The following ROBO2 variants were observed in gnomAD, a reference collection of about 807,000 sequenced individuals.
ROBO2 encodes the protein roundabout homolog 2.
Under a neutral mutation model 160.8 loss-of-function variants are expected in ROBO2, and 53 were observed. That is an observed-to-expected ratio of 0.33 (90% CI 0.26 to 0.41). ROBO2 has a LOEUF of 0.41. ROBO2 is among the 10% of genes least tolerant of loss of function. The pLI is 1.00. For missense variants in ROBO2, 1,577 were observed against 1,722.4 expected (o/e 0.92, Z 1.49); for synonymous variants, 664 against 611.7 (o/e 1.09, Z -1.26).
intron 2 of ROBO2, among the ~76,000 whole-genome samples, chr3:76,872,712 C>A (rs1192029491): frequency 6.6e-6 from 1 of 151,842 alleles, no homozygotes; most frequent in African/African-American, 2.4e-5. Context: ...GAATGAAGTG[C>A]ATTTTTGACA....
intron 2 of ROBO2, among the ~76,000 whole-genome samples, chr3:76,049,383 G>GTGTGTGTGTATA (rs1440395230): frequency 2.7e-5 from 1 of 36,822 alleles, no homozygotes; most frequent in Admixed American, 2.9e-4. Flanking sequence ...GCTAATTTTA[G>GTGTGTGTGTATA]TATATATATA....
intron 2 of ROBO2, among the ~76,000 whole-genome samples, chr3:76,695,491 G>A (rs1322916694): frequency 6.6e-6 from 1 of 152,000 alleles, no homozygotes; most frequent in Non-Finnish European, 1.5e-5. Flanking sequence ...TGATAAAGAA[G>A]CTTTATAATG....
At chr3:77,465,490 T>C (rs2082676308) in intron 2 of ROBO2, among the ~76,000 whole-genome samples, 1 of 152,120 alleles carries the variant, frequency 6.6e-6, no homozygotes, top group South Asian at 2.1e-4. Context: ...AATAGATATA[T>C]AGCTAGAGAC....
intron 2 of ROBO2, among the ~76,000 whole-genome samples, chr3:76,019,166 A>G (rs1457019371): frequency 6.6e-6 from 1 of 151,888 alleles, no homozygotes; most frequent in Non-Finnish European, 1.5e-5. Flanking sequence ...TGGTCTCCCC[A>G]CATGGTTAGG....
chr3:77,368,849 TTTTA>T (rs2071333077), intron 2 of ROBO2, among the ~76,000 whole-genome samples: 1 of 152,226 alleles, frequency 6.6e-6, no homozygotes, highest in Non-Finnish European at 1.5e-5. Context: ...GGTATTTATC[TTTTA>T]TTTGACAAAA....
At chr3:76,871,311 T>G (rs1050431991) in intron 2 of ROBO2, among the ~76,000 whole-genome samples, 2 of 152,000 alleles carry the variant, frequency 1.3e-5, no homozygotes, top group Non-Finnish European at 2.9e-5. Flanking sequence ...TCCCAGCACT[T>G]TGGGAGGCCG....
At chr3:76,474,012 G>C (rs1374028040) in intron 2 of ROBO2, among the ~76,000 whole-genome samples, 11 of 152,090 alleles carry the variant, frequency 7.2e-5, no homozygotes. Flanking sequence ...GCAAGTATTA[G>C]ATGTTTAATT....
chr3:76,758,241 A>C (rs955678938), intron 2 of ROBO2, among the ~76,000 whole-genome samples: 3 of 151,792 alleles, frequency 2.0e-5, no homozygotes, highest in African/African-American at 7.2e-5. Context: ...CACTTTTTAC[A>C]TTTAATACCT....
At chr3:77,282,998 A>T (rs2060345052) in intron 2 of ROBO2, among the ~76,000 whole-genome samples, 1 of 151,972 alleles carries the variant, frequency 6.6e-6, no homozygotes, top group South Asian at 2.1e-4. Flanking sequence ...AAACCTGAGA[A>T]TTTAAATGTC....
At chr3:77,632,507 A>G (rs1388859714) in intron 23 of ROBO2, 2 of 1,535,462 alleles carry the variant, frequency 1.3e-6, no homozygotes, top group Non-Finnish European at 1.7e-6. Flanking sequence ...TCTGCATCTG[A>G]TGAGGATCGT....
At chr3:76,631,034 C>T (rs1444918315) in intron 2 of ROBO2, among the ~76,000 whole-genome samples, 2 of 152,114 alleles carry the variant, frequency 1.3e-5, no homozygotes, top group African/African-American at 4.8e-5. Context: ...TTAGCTGTAT[C>T]TTTCAGCAAA....
chr3:76,927,467 C>T (rs1430770927), intron 2 of ROBO2, among the ~76,000 whole-genome samples: 1 of 152,010 alleles, frequency 6.6e-6, no homozygotes. Flanking sequence ...ATACATAAAC[C>T]CTTGACATTT....
chr3:77,383,315 A>G (rs550471781), intron 2 of ROBO2, among the ~76,000 whole-genome samples: 1 of 152,278 alleles, frequency 6.6e-6, no homozygotes, highest in African/African-American at 2.4e-5. Context: ...AATAGGCATG[A>G]TGTTCAATAA....
intron 2 of ROBO2, among the ~76,000 whole-genome samples, chr3:77,348,846 C>T (rs1447692352): frequency 2.0e-5 from 3 of 152,116 alleles, no homozygotes; most frequent in African/African-American, 7.2e-5. Context: ...TCATTATCTT[C>T]CTTGCTTTTT....
intron 2 of ROBO2, among the ~76,000 whole-genome samples, chr3:76,786,790 TA>T (rs2063006929): frequency 1.3e-5 from 2 of 151,388 alleles, no homozygotes; most frequent in African/African-American, 4.8e-5. Flanking sequence ...TTCAATTATG[TA>T]GCTCTTAAAA....
intron 2 of ROBO2, among the ~76,000 whole-genome samples, chr3:76,630,218 A>C (rs2089943600): frequency 6.6e-6 from 1 of 152,102 alleles, no homozygotes; most frequent in Admixed American, 6.5e-5. Flanking sequence ...AAAGATGTGC[A>C]TGTTAGGTAT....
chr3:76,798,284 G>GAAAGAAAGAA (rs2063907842), intron 2 of ROBO2, among the ~76,000 whole-genome samples: 1 of 145,328 alleles, frequency 6.9e-6, no homozygotes, highest in Non-Finnish European at 1.5e-5. Context: ...AAGAAAGAAA[G>GAAAGAAAGAA]AAAGAAAGAA....
chr3:76,770,260 A>G (rs1040958345), intron 2 of ROBO2, among the ~76,000 whole-genome samples: 13 of 151,346 alleles, frequency 8.6e-5, no homozygotes, highest in African/African-American at 7.3e-5. Context: ...TGGTTAAATT[A>G]TAACTCCACT....
At chr3:77,381,141 C>T (rs2073406615) in intron 2 of ROBO2, among the ~76,000 whole-genome samples, 1 of 152,146 alleles carries the variant, frequency 6.6e-6, no homozygotes, top group Admixed American at 6.5e-5. Flanking sequence ...CGGTGAAACC[C>T]CGTCTCTACT....
Sources: gnomAD v4.1 joint callset for allele counts (sites outside exome capture counted in the v4.1 genomes callset) on GRCh38, gnomAD v4.1.1 for gene constraint, MANE v1.5 for transcripts, NCBI Gene and HGNC (gene_info 2026-07-23, HGNC 2026-07-21) for gene names.